Variants in WWOX observed in about 807,000 individuals in gnomAD.
WWOX encodes WW domain containing oxidoreductase, also known as WW domain-containing oxidoreductase.
In WWOX, 69 loss-of-function variants were observed where a neutral mutation model predicts 46.2. The ratio of observed to expected loss-of-function variants is 1.49; its 90% confidence interval spans 1.23 to 1.82. The LOEUF (loss-of-function observed/expected upper bound fraction) is 1.82. Among genes scored for constraint, WWOX ranks in the 40% most tolerant of loss-of-function variants. The pLI is 0.00. For missense variants in WWOX, 919 were observed against 542.6 expected, an observed-to-expected ratio of 1.69 and a Z score of -6.89; for synonymous variants, 359 against 202.6, an observed-to-expected ratio of 1.77 and a Z score of -6.56.
intron 5 of WWOX, among the ~76,000 whole-genome samples, chr16:78,183,892 A>G (rs966681677): frequency 1.9e-4 from 29 of 152,210 alleles, no homozygotes; most frequent in Non-Finnish European, 3.1e-4. Flanking sequence ...CGTTTACAGA[A>G]ACCTCTGGTC....
intron 8 of WWOX, among the ~76,000 whole-genome samples, chr16:79,059,172 T>G (rs957391150): frequency 2.0e-5 from 3 of 152,362 alleles, no homozygotes; most frequent in Non-Finnish European, 4.4e-5. Context: ...GAACAATAAT[T>G]GTGTTTGCAA....
chr16:78,426,696 G>C (rs1479306336), intron 7 of WWOX, among the ~76,000 whole-genome samples: 1 of 152,036 alleles, frequency 6.6e-6, no homozygotes, highest in Non-Finnish European at 1.5e-5. Flanking sequence ...ATGGAGTCTT[G>C]ATCTGTTACC....
At chr16:78,779,490 C>T (rs1467629056) in intron 8 of WWOX, among the ~76,000 whole-genome samples, 1 of 152,140 alleles carries the variant, frequency 6.6e-6, no homozygotes, top group Non-Finnish European at 1.5e-5. Context: ...AGTGTTTCTG[C>T]CACTGCAGAG....
chr16:78,428,073 A>G (rs987136715), intron 7 of WWOX, among the ~76,000 whole-genome samples: 1 of 152,214 alleles, frequency 6.6e-6, no homozygotes, highest in Admixed American at 6.5e-5. Flanking sequence ...GTTTCAGAAA[A>G]CAAAAACCCA....
intron 8 of WWOX, among the ~76,000 whole-genome samples, chr16:78,639,746 A>G (rs1384272556): frequency 6.6e-6 from 1 of 151,958 alleles, no homozygotes; most frequent in East Asian, 1.9e-4. Flanking sequence ...TGTCTTTTTT[A>G]GTAGAGACAG....
intron 8 of WWOX, among the ~76,000 whole-genome samples, chr16:79,076,008 GT>G (rs909492641): frequency 3.3e-5 from 5 of 152,202 alleles, no homozygotes; most frequent in African/African-American, 9.6e-5. Context: ...TTGAAGTGGG[GT>G]TTTTTTCTTC....
At chr16:78,868,980 CAT>C (rs754447711) in intron 8 of WWOX, among the ~76,000 whole-genome samples, 15 of 152,094 alleles carry the variant, frequency 9.9e-5, no homozygotes, top group East Asian at 5.8e-4. Context: ...CACACACACA[CAT>C]GCATGCGATC....
chr16:78,568,141 C>T (rs370046917), intron 8 of WWOX, among the ~76,000 whole-genome samples: 7 of 152,044 alleles, frequency 4.6e-5, no homozygotes, highest in African/African-American at 7.2e-5. Context: ...TGCATGTGAC[C>T]AGATGGTTCT....
rs146481440 is a variant in WWOX at position 79,211,849 on chromosome 16, C to T, written c.*53C>T. ...CACCCGCCCTGTGTGTGTCCCCTCA[C>T]GCAAGTGCCAGGGCTGGGCCCCTTC... On this transcript the variant is annotated 3_prime_UTR_variant, in exon 9 of 9. Coordinates refer to ENST00000566780, the MANE Select transcript of WWOX (RefSeq NM_016373.4). 2.5e-3 allele frequency: 3,995 copies of T among 1,609,628 alleles called. 10 individuals carry two copies. The highest frequency in any genetic ancestry group is 3.1e-3 in the Non-Finnish European group (3,608 of 1,178,500).
chr16:78,415,732 G>A (rs1458488015), intron 6 of WWOX, among the ~76,000 whole-genome samples: 1 of 152,186 alleles, frequency 6.6e-6, no homozygotes, highest in Admixed American at 6.5e-5. Flanking sequence ...GCAGTAGGAA[G>A]TGCCACCTCA....
At chr16:78,221,030 T>C (rs765113705) in intron 5 of WWOX, among the ~76,000 whole-genome samples, 2 of 152,350 alleles carry the variant, frequency 1.3e-5, no homozygotes, top group Admixed American at 1.3e-4. Flanking sequence ...AAATGTATCA[T>C]ATATCTTTAA....
At chr16:79,089,184 T>C (rs1401730458) in intron 8 of WWOX, among the ~76,000 whole-genome samples, 2 of 152,160 alleles carry the variant, frequency 1.3e-5, no homozygotes, top group Non-Finnish European at 2.9e-5. Flanking sequence ...GCATAACTGG[T>C]TTCTTGACCT....
chr16:79,153,852 C>A (rs1253572663), intron 8 of WWOX, among the ~76,000 whole-genome samples: 1 of 152,116 alleles, frequency 6.6e-6, no homozygotes, highest in Non-Finnish European at 1.5e-5. Flanking sequence ...TTGTAACCTA[C>A]ACTCAAAAGA....
At chr16:78,116,200 T>C (rs966188924) in intron 4 of WWOX, among the ~76,000 whole-genome samples, 2 of 151,974 alleles carry the variant, frequency 1.3e-5, no homozygotes, top group Non-Finnish European at 1.5e-5. Context: ...TAAGTTATTA[T>C]TAACTATAAT....
chr16:78,809,365 C>A (rs1354710921), intron 8 of WWOX, among the ~76,000 whole-genome samples: 1 of 147,836 alleles, frequency 6.8e-6, no homozygotes, highest in Non-Finnish European at 1.5e-5. Flanking sequence ...AAGAAAAAAG[C>A]ATTTTTCGAA....
At chr16:78,370,113 C>T (rs1020480022) in intron 5 of WWOX, among the ~76,000 whole-genome samples, 1 of 105,782 alleles carries the variant, frequency 9.5e-6, no homozygotes. Context: ...TCCTGGGAGA[C>T]AGAGCAAGAC....
In WWOX at chr16:78,099,878, T is replaced by A. The variant is rs2151651935; in HGVS notation, c.100T>A (p.Tyr34Asn). 1.9e-6 allele frequency: 3 copies of A among 1,566,232 alleles called. No individual in the cohort carries two copies. The highest frequency in any genetic ancestry group is 2.4e-5 in the South Asian group (2 of 84,678). The stretch of plus-strand genomic sequence containing the variant: ...AACCACCAAGGACGGCTGGGTTTAC[T>A]ACGCCAAGTAAGGGGGCCGCAGTGG... ...ERTTKDGWVY[Y>N]ANHTEEKTQW... The change falls in exon 1 of 9, where the codon TAC becomes AAC. Residue 34 changes from tyrosine (Y) to asparagine (N), a missense_variant. By Grantham distance (143) the Tyr-to-Asn change is moderately radical. Transcript: ENST00000566780.
At chr16:78,485,608 G>A (rs1032663272) in intron 8 of WWOX, among the ~76,000 whole-genome samples, 15 of 152,130 alleles carry the variant, frequency 9.9e-5, no homozygotes, top group African/African-American at 2.7e-4. Flanking sequence ...CTCACAGCAC[G>A]CATTTGTTCA....
chr16:78,858,733 G>T (rs908981377), intron 8 of WWOX, among the ~76,000 whole-genome samples: 2 of 151,570 alleles, frequency 1.3e-5, no homozygotes, highest in African/African-American at 2.4e-5. Flanking sequence ...ATTCTGTAGT[G>T]CAGGGCACAA....
Sources: gnomAD v4.1 joint callset for allele counts (sites outside exome capture counted in the v4.1 genomes callset) on GRCh38, gnomAD v4.1.1 for gene constraint, MANE v1.5 for transcripts, NCBI Gene and HGNC (gene_info 2026-07-23, HGNC 2026-07-21) for gene names.